TBC1D24: variants seen among roughly 807,000 people sequenced by gnomAD.
TBC1D24 encodes the protein TBC1 domain family member 24.
Under a neutral mutation model 50.7 loss-of-function variants are expected in TBC1D24, and 47 were observed. That is an observed-to-expected ratio of 0.93 (90% CI 0.73 to 1.18). The LOEUF (loss-of-function observed/expected upper bound fraction) is 1.18, where lower values mean the gene tolerates loss of function less well. Ranked by LOEUF, TBC1D24 falls within the 50% of genes most tolerant of loss-of-function variation. The pLI, the probability that TBC1D24 is intolerant of heterozygous loss-of-function variation, is 0.00. For synonymous variants in TBC1D24, 324 were observed against 335.2 expected (o/e 0.97, Z 0.36); for missense variants, 688 against 766.5 (o/e 0.90, Z 1.21).
Position 2,496,767 on chromosome 16 carries a change from C to G in TBC1D24, c.619C>G (p.Gln207Glu). 6.2e-7 allele frequency: 1 copy of G among 1,614,002 alleles called. No individual in the cohort carries two copies. ...LMVAVSEDVL[Q>E]VYADWQRWLF... ...GGTGGCCGTGTCGGAGGATGTCCTG[C>G]AGGTCTATGCGGACTGGCAGCGCTG... Residue 207 changes from glutamine (Q) to glutamate (E), a missense_variant, in exon 2 of 8, where the codon CAG (glutamine) becomes GAG (glutamate). Coordinates refer to ENST00000646147, the MANE Select transcript of TBC1D24 (RefSeq NM_001199107.2).
intron 1 of TBC1D24, chr16:2,477,157 T>C (rs1449796356): frequency 6.6e-6 from 1 of 152,224 alleles, no homozygotes; most frequent in African/African-American, 2.4e-5. Context: ...AAGCAGCAAT[T>C]TCAGTGGCTG....
intron 1 of TBC1D24, chr16:2,480,430 G>C (rs748686999): frequency 6.6e-5 from 10 of 152,074 alleles, no homozygotes; most frequent in Admixed American, 3.9e-4. Context: ...ACACCGGCCT[G>C]TTCCCTTTTT....
chr16:2,476,869 C>G (rs1389989261), intron 1 of TBC1D24: 1 of 152,242 alleles, frequency 6.6e-6, no homozygotes, highest in Non-Finnish European at 1.5e-5. Flanking sequence ...GGTAGCCTTA[C>G]TAGCTCTCGC....
At position 2,482,848 on chromosome 16, in the gene TBC1D24, AG is replaced by A. The variant is rs1294782604; in HGVS notation, c.-116+7681del. Among the ~76,000 whole-genome samples the A allele has an allele frequency of 6.6e-6, 1 of 152,190 alleles. No individual in the cohort carries two copies. The highest frequency in any genetic ancestry group is 6.5e-5 in the Admixed American group (1 of 15,284). On this transcript the variant is annotated intron_variant, in intron 1 of 7. Coordinates refer to ENST00000646147, the MANE Select transcript of TBC1D24 (RefSeq NM_001199107.2). This position sits in a 1 kb window ranked among gnomAD's most constrained non-coding sequence, Gnocchi z 5.2. Reference sequence around the variant, plus strand: ...GCGGAGAGGTGAGGGGATGCCTGGCAGGGAGGCAGGCGGGATGAGGCCCAAG... The same window carrying A: ...GCGGAGAGGTGAGGGGATGCCTGGCAGGAGGCAGGCGGGATGAGGCCCAAG...
intron 1 of TBC1D24, among the ~76,000 whole-genome samples, chr16:2,492,183 G>A (rs2065700898): frequency 6.6e-6 from 1 of 152,100 alleles, no homozygotes; most frequent in South Asian, 2.1e-4. Flanking sequence ...GTTGCCTTGT[G>A]TGCACAGCCC....
In TBC1D24 at chr16:2,501,266, A is replaced by T; in HGVS notation, c.*308A>T. 2.2e-6 allele frequency: 1 copy of T among 454,974 alleles called. No homozygotes were observed. Among genetic ancestry groups the T allele is most frequent in the South Asian group, 2.4e-5 (1 of 41,898 alleles). 28.2% of individuals were successfully genotyped at this position (454,974 alleles called of 1,614,324 possible). A position where few individuals can be genotyped will look rare whatever the true frequency, so the allele number is the denominator to read the frequency against. On this transcript the variant is annotated 3_prime_UTR_variant, in exon 8 of 8. Coordinates refer to ENST00000646147, the MANE Select transcript of TBC1D24 (RefSeq NM_001199107.2). ...GGCTTCCATAGCCCAAGGCCTTGGG[A>T]GTGTCTGGGTCTTGCTGCCCCTGAG...
In TBC1D24 at chr16:2,500,332, C is replaced by T. The variant is rs200641000; in HGVS notation, c.1367C>T (p.Pro456Leu). Residue 456 changes from proline to leucine, a missense_variant, in exon 7 of 8, where the codon CCA becomes CTA. Transcript: ENST00000646147. This position sits in a 1 kb window ranked among gnomAD's most constrained non-coding sequence, Gnocchi z 8.0. ...AAGCACCCCGAGCTGACCAAGCCCCCACCCTTGATGGCTGCCGAGCCCACC... is the reference window on the plus strand; with the variant it reads ...AAGCACCCCGAGCTGACCAAGCCCCTACCCTTGATGGCTGCCGAGCCCACC... ...VIKHPELTKP[P>L]PLMAAEPTAP... 101 of 1,611,476 alleles carry T rather than the reference C, an allele frequency of 6.3e-5. No homozygotes were observed. Among genetic ancestry groups the T allele is most frequent in the Middle Eastern group, 5.0e-4 (3 of 6,044 alleles).
rs1344669211 is a variant in TBC1D24, at chr16:2,475,534, C to T, written c.-116+364C>T. On this transcript the variant is annotated intron_variant, in intron 1 of 7. Coordinates refer to ENST00000646147, the MANE Select transcript of TBC1D24 (RefSeq NM_001199107.2). The surrounding 1 kb of genome is among the most constrained non-coding windows in gnomAD (Gnocchi z 4.2). ...TTTCCGTCTCCGCAGGGTCGGAAAT[C>T]CTCTTGGGGGCTCGGTGAGATTGCA... 6.6e-6 allele frequency among the ~76,000 whole-genome samples: 1 copy of T among 151,998 alleles called. No individual in the cohort carries two copies. Among genetic ancestry groups the T allele is most frequent in the African/African-American group, 2.4e-5 (1 of 41,408 alleles).
chr16:2,491,823 G>A (rs539399024), intron 1 of TBC1D24, among the ~76,000 whole-genome samples: 97 of 152,048 alleles, frequency 6.4e-4, no homozygotes, highest in Non-Finnish European at 1.2e-3. Context: ...AAAGTGCTGG[G>A]ATTACAGGCA....
chr16:2,494,741 C>T (rs1295881001), intron 1 of TBC1D24, among the ~76,000 whole-genome samples: 2 of 152,098 alleles, frequency 1.3e-5, no homozygotes, highest in East Asian at 3.9e-4. Context: ...GGAACTCTAT[C>T]TCTAGCCTCT....
Position 2,487,003 on chromosome 16 carries a change from G to A in TBC1D24, c.-115-9031G>A, listed in dbSNP as rs1387336596. On this transcript the variant is annotated intron_variant, in intron 1 of 7. Coordinates refer to ENST00000646147, the MANE Select transcript of TBC1D24 (RefSeq NM_001199107.2). This position sits in a 1 kb window ranked among gnomAD's most constrained non-coding sequence, Gnocchi z 4.1. ...CTTCCTCCTCCAGGGCCACCAGGGG[G>A]ATTTTTGTAAACGCAGATCTGATCG... Among the ~76,000 whole-genome samples the A allele has an allele frequency of 6.6e-6, 1 of 152,196 alleles. No individual in the cohort carries two copies. Among genetic ancestry groups the A allele is most frequent in the African/African-American group, 2.4e-5 (1 of 41,450 alleles).
chr16:2,500,951 C>G lies in TBC1D24; in HGVS notation c.1673C>G (p.Thr558Ser). 2 of 1,610,770 alleles carry G rather than the reference C, an allele frequency of 1.2e-6. No homozygotes were observed. Among genetic ancestry groups the G allele is most frequent in the South Asian group, 1.1e-5 (1 of 91,078 alleles). Residue 558 changes from threonine to serine, a missense_variant, in exon 8 of 8, where the codon ACC becomes AGC. Physicochemically the swap from Thr to Ser is moderately conservative, Grantham distance 58. Coordinates refer to ENST00000646147, the MANE Select transcript of TBC1D24 (RefSeq NM_001199107.2). The surrounding 1 kb of genome is among the most constrained non-coding windows in gnomAD (Gnocchi z 8.0). Reference sequence around the variant, plus strand: ...GCCTGGGGCTTCCAGGACCCTGACACCCAGTGACGGCCTGTGCCACGGTGA... The same window carrying G: ...GCCTGGGGCTTCCAGGACCCTGACAGCCAGTGACGGCCTGTGCCACGGTGA... ...VEAWGFQDPD[T>S]Q
In TBC1D24 at chr16:2,485,516, G is replaced by A. The variant is rs2065642333; in HGVS notation, c.-116+10346G>A. The A allele has an allele frequency of 6.6e-6, 1 of 152,210 alleles. No homozygotes were observed. Among genetic ancestry groups the A allele is most frequent in the Non-Finnish European group, 1.5e-5 (1 of 68,046 alleles). The allele number at this position is 152,210 out of a possible 1,614,324, so 9.4% of individuals were successfully genotyped here. ...CTTTATAATAAACTAGTGAATGTAA[G>A]TGTTTCCCTGAGTTCTGTGAGCTGC... On this transcript the variant is annotated intron_variant, in intron 1 of 7. Transcript: ENST00000646147. The surrounding 1 kb of genome is among the most constrained non-coding windows in gnomAD (Gnocchi z 4.6).
chr16:2,488,842 C>T (rs1309941193), intron 1 of TBC1D24, among the ~76,000 whole-genome samples: 11 of 141,846 alleles, frequency 7.8e-5, no homozygotes, highest in African/African-American at 2.6e-4. Context: ...GGGTGGATCA[C>T]GAGGTCAGGA....
chr16:2,489,635 A>G (rs1334623648), intron 1 of TBC1D24, among the ~76,000 whole-genome samples: 1 of 152,100 alleles, frequency 6.6e-6, no homozygotes, highest in African/African-American at 2.4e-5. Context: ...GAGAGGCATT[A>G]GGAGGGGACG....
At position 2,487,517 on chromosome 16, in the gene TBC1D24, C is replaced by T. The variant is rs185654600; in HGVS notation, c.-115-8517C>T. Among the ~76,000 whole-genome samples the T allele has an allele frequency of 3.9e-5, 6 of 152,308 alleles. No homozygotes were observed. Among genetic ancestry groups the T allele is most frequent in the Admixed American group, 6.5e-5 (1 of 15,304 alleles). Reference sequence around the variant, plus strand: ...ATGAAAGAGAGTTTGTTTTCAAATCCGGTTGTTTGGGAAAATCACATTCCC... The same window carrying T: ...ATGAAAGAGAGTTTGTTTTCAAATCTGGTTGTTTGGGAAAATCACATTCCC... On this transcript the variant is annotated intron_variant, in intron 1 of 7. Transcript: ENST00000646147. This position sits in a 1 kb window ranked among gnomAD's most constrained non-coding sequence, Gnocchi z 4.1.
rs1425083243 is a variant in TBC1D24, at chr16:2,505,610, G to A, written c.*4652G>A. ...ATGAATGTAATAAAAAAAATGTGTA[G>A]TGAGCACAAATGTATGGATTTGCAG... On this transcript the variant is annotated 3_prime_UTR_variant, in exon 8 of 8. Transcript: ENST00000646147. 2.0e-5 allele frequency: 3 copies of A among 152,226 alleles called. No homozygotes were observed. The highest frequency in any genetic ancestry group is 2.9e-5 in the Non-Finnish European group (2 of 68,044). The allele number at this position is 152,226 out of a possible 1,614,324, so 9.4% of individuals were successfully genotyped here. A position where few individuals can be genotyped will look rare whatever the true frequency, so the allele number is the denominator to read the frequency against.
intron 1 of TBC1D24, among the ~76,000 whole-genome samples, chr16:2,491,325 A>AC (rs1157824641): frequency 1.3e-5 from 2 of 151,900 alleles, no homozygotes; most frequent in African/African-American, 4.8e-5. Context: ...TTTTTTTTTA[A>AC]CCTAAGGAAA....
chr16:2,500,020 G>C lies in TBC1D24; in HGVS notation c.1302+90G>C. ...CCCGCCTGCCCTGGGGACACTGTTG[G>C]GTGTCGCCATGGCAGTCACCCAGCA... On this transcript the variant is annotated intron_variant, in intron 6 of 7. Coordinates refer to ENST00000646147, the MANE Select transcript of TBC1D24 (RefSeq NM_001199107.2). The surrounding 1 kb of genome is among the most constrained non-coding windows in gnomAD (Gnocchi z 8.0). 8.0e-7 allele frequency: 1 copy of C among 1,245,010 alleles called. No homozygotes were observed. The highest frequency in any genetic ancestry group is 1.7e-5 in the Admixed American group (1 of 59,006). 77.1% of individuals were successfully genotyped at this position (1,245,010 alleles called of 1,614,324 possible).
Sources: gnomAD v4.1 joint callset for allele counts (sites outside exome capture counted in the v4.1 genomes callset) on GRCh38, gnomAD v4.1.1 for gene constraint, Gnocchi (gnomAD v3.1) non-coding constraint, MANE v1.5 for transcripts, NCBI Gene and HGNC (gene_info 2026-07-23, HGNC 2026-07-21) for gene names.